Variants in HS3ST4 observed in about 807,000 individuals in gnomAD.
The protein encoded by HS3ST4 is heparan sulfate-glucosamine 3-sulfotransferase 4.
Under a neutral mutation model 29.2 loss-of-function variants are expected in HS3ST4, and 17 were observed. The ratio of observed to expected loss-of-function variants is 0.58; its 90% CI spans 0.40 to 0.87. The LOEUF (loss-of-function observed/expected upper bound fraction) is 0.87, where lower values mean the gene tolerates loss of function less well. HS3ST4 is among the 40% of genes least tolerant of loss of function. The pLI is 0.00. For missense variants in HS3ST4, 627 were observed against 634.5 expected (o/e 0.99, Z 0.13); for synonymous variants, 314 against 285.7 (o/e 1.10, Z -1.00).
chr16:25,934,118 T>G lies in HS3ST4; in HGVS notation c.735-201494T>G, dbSNP rs373775619. Among the ~76,000 whole-genome samples, 3 of 152,194 alleles carry G rather than the reference T, an allele frequency of 2.0e-5. No individual in the cohort carries two copies. In the South Asian group the frequency reaches 6.2e-4, roughly 32 times the overall value. On this transcript the variant is annotated intron_variant, in intron 1 of 1. Coordinates refer to ENST00000331351, the MANE Select transcript of HS3ST4 (RefSeq NM_006040.3). ...GGTTCCTGCTTCTCAGGCAGATATG[T>G]TTTGACTGGTTTGTAAGTGTCTGCT...
chr16:25,726,981 A>G (rs1309143576), intron 1 of HS3ST4, among the ~76,000 whole-genome samples: 1 of 151,812 alleles, frequency 6.6e-6, no homozygotes, highest in Admixed American at 6.6e-5. Context: ...TGGATTCGGC[A>G]ACCCCACATG....
chr16:26,067,951 C>T (rs1336179609), intron 1 of HS3ST4, among the ~76,000 whole-genome samples: 4 of 152,152 alleles, frequency 2.6e-5, no homozygotes, highest in Non-Finnish European at 5.9e-5. Context: ...GAGGCCGTCC[C>T]AGCCGTGTGG....
Position 25,692,984 on chromosome 16 carries a change from C to G in HS3ST4, c.567C>G (p.Thr189=). 6.2e-7 allele frequency: 1 copy of G among 1,611,300 alleles called. No homozygotes were observed. The highest frequency in any genetic ancestry group is 2.2e-5 in the East Asian group (1 of 44,796). Residue 189 remains threonine, a synonymous_variant, in exon 1 of 2, where the codon ACC becomes ACG. Coordinates refer to ENST00000331351, the MANE Select transcript of HS3ST4 (RefSeq NM_006040.3). The stretch of plus-strand genomic sequence containing the variant: ...GCGAGAGGGGCGGCGCCGTCAGCAC[C>G]CCCGACTATGGGGAGAAGAAGCTGC... ...GSSERGGAVS[T]PDYGEKKLPQ...
chr16:25,708,987 G>A (rs1390738649), intron 1 of HS3ST4, among the ~76,000 whole-genome samples: 1 of 152,036 alleles, frequency 6.6e-6, no homozygotes, highest in Non-Finnish European at 1.5e-5. Context: ...AATTCCTCTG[G>A]TTATAACACA....
intron 1 of HS3ST4, among the ~76,000 whole-genome samples, chr16:26,093,910 A>G (rs1016936222): frequency 1.3e-5 from 2 of 152,244 alleles, no homozygotes; most frequent in East Asian, 3.8e-4. Context: ...AGTGTAGAGA[A>G]GATCTTAAAT....
intron 1 of HS3ST4, among the ~76,000 whole-genome samples, chr16:25,941,419 G>A (rs539045157): frequency 2.8e-5 from 3 of 106,778 alleles, no homozygotes; most frequent in South Asian, 2.7e-4. Context: ...TTGGCCACCC[G>A]AAGTGCTAGG....
intron 1 of HS3ST4, among the ~76,000 whole-genome samples, chr16:25,932,537 C>T (rs1467049237): frequency 6.6e-6 from 1 of 152,116 alleles, no homozygotes; most frequent in African/African-American, 2.4e-5. Context: ...GATCTCATGT[C>T]AACCTAACAA....
rs148522806 is a variant in HS3ST4, at chr16:26,045,790, C to G, written c.735-89822C>G. 5.9e-5 allele frequency among the ~76,000 whole-genome samples: 9 copies of G among 152,324 alleles called. No individual in the cohort carries two copies. In the East Asian group the frequency reaches 1.3e-3, roughly 23 times the overall value. ...ACTTTTATAACATCCCAAGTTCTCTCTCACATGGATTATATTTTTATGGTT... is the reference window on the plus strand; with the variant it reads ...ACTTTTATAACATCCCAAGTTCTCTGTCACATGGATTATATTTTTATGGTT... On this transcript the variant is annotated intron_variant, in intron 1 of 1. Coordinates refer to ENST00000331351, the MANE Select transcript of HS3ST4 (RefSeq NM_006040.3).
intron 1 of HS3ST4, among the ~76,000 whole-genome samples, chr16:25,784,767 G>T (rs9923849): frequency 8.5e-5 from 13 of 152,340 alleles, no homozygotes; most frequent in African/African-American, 2.4e-4. Flanking sequence ...TGTAGAAGCT[G>T]CAGCAAATTA....
chr16:25,766,165 C>G (rs1383628588), intron 1 of HS3ST4, among the ~76,000 whole-genome samples: 1 of 151,928 alleles, frequency 6.6e-6, no homozygotes, highest in Admixed American at 6.6e-5. Context: ...CTTGGTTAAT[C>G]AGACAGAGCC....
At chr16:26,067,249 A>T (rs60890670) in intron 1 of HS3ST4, among the ~76,000 whole-genome samples, 1 of 152,188 alleles carries the variant, frequency 6.6e-6, no homozygotes, top group African/African-American at 2.4e-5. Context: ...TCTTAGTCCA[A>T]CAAAATAGCT....
chr16:25,723,670 G>A (rs906777263), intron 1 of HS3ST4, among the ~76,000 whole-genome samples: 11 of 152,218 alleles, frequency 7.2e-5, no homozygotes, highest in African/African-American at 2.2e-4. Flanking sequence ...AAATATCCTC[G>A]ATGAAGCTCA....
intron 1 of HS3ST4, among the ~76,000 whole-genome samples, chr16:26,072,235 A>G (rs1318323033): frequency 6.6e-6 from 1 of 152,124 alleles, no homozygotes. Context: ...TGAATGAACT[A>G]TTTGTTAGGC....
At chr16:25,711,375 GA>G (rs374030733) in intron 1 of HS3ST4, among the ~76,000 whole-genome samples, 456 of 145,206 alleles carry the variant, frequency 3.1e-3, no homozygotes, top group Admixed American at 6.6e-3. Context: ...AGGAAAGGGA[GA>G]AAAAAAAAAA....
intron 1 of HS3ST4, among the ~76,000 whole-genome samples, chr16:25,852,513 C>A (rs1200152146): frequency 1.3e-5 from 2 of 151,342 alleles, no homozygotes; most frequent in African/African-American, 4.9e-5. Context: ...ATTTATATTT[C>A]TTTATTCTGA....
At chr16:25,770,568 G>C (rs1458731956) in intron 1 of HS3ST4, among the ~76,000 whole-genome samples, 1 of 152,216 alleles carries the variant, frequency 6.6e-6, no homozygotes, top group Non-Finnish European at 1.5e-5. Context: ...GCTGAGGGGT[G>C]CAGTTGGGAC....
intron 1 of HS3ST4, among the ~76,000 whole-genome samples, chr16:25,950,712 A>G (rs1443079118): frequency 2.6e-5 from 4 of 152,092 alleles, no homozygotes; most frequent in African/African-American, 9.7e-5. Context: ...AGGAGGTAAA[A>G]GAGCATCGAC....
At chr16:25,845,637 G>A (rs1414636486) in intron 1 of HS3ST4, among the ~76,000 whole-genome samples, 2 of 127,980 alleles carry the variant, frequency 1.6e-5, no homozygotes, top group African/African-American at 5.8e-5. Flanking sequence ...AGGAATCCAA[G>A]GAATAGCATG....
At chr16:25,978,871 C>T (rs1365373930) in intron 1 of HS3ST4, among the ~76,000 whole-genome samples, 1 of 151,646 alleles carries the variant, frequency 6.6e-6, no homozygotes, top group Non-Finnish European at 1.5e-5. Context: ...CATAACTAGC[C>T]ACGGGGACAG....
Sources: allele counts gnomAD v4.1 joint callset (sites outside exome capture counted in the v4.1 genomes callset), GRCh38; gene constraint gnomAD v4.1.1; transcripts MANE v1.5; gene names NCBI Gene and HGNC (gene_info 2026-07-23, HGNC 2026-07-21).